Variants in ZNF608 observed in about 807,000 individuals in gnomAD.
The protein encoded by ZNF608 is renal carcinoma antigen NY-REN-36.
In ZNF608, 12 loss-of-function variants were observed where a neutral mutation model predicts 109.0. The ratio of observed to expected loss-of-function variants is 0.11; its 90% CI spans 0.07 to 0.18. ZNF608 has a LOEUF of 0.18. Ranked by LOEUF, ZNF608 falls within the 10% of genes least tolerant of loss-of-function variation. ZNF608 has a pLI of 1.00. For synonymous variants in ZNF608, 732 were observed against 717.4 expected, an observed-to-expected ratio of 1.02 and a Z score of -0.33; for missense variants, 1,707 against 1,879.3, an observed-to-expected ratio of 0.91 and a Z score of 1.70.
chr5:124,653,235 GCCTATTA>G (rs1270627071), intron 3 of ZNF608, among the ~76,000 whole-genome samples: 7 of 152,090 alleles, frequency 4.6e-5, no homozygotes, highest in Non-Finnish European at 8.8e-5. Context: ...GCCCCCAAAG[GCCTATTA>G]CCTACAGAAC....
intron 3 of ZNF608, among the ~76,000 whole-genome samples, chr5:124,674,950 A>G (rs1038452460): frequency 6.6e-6 from 1 of 152,210 alleles, no homozygotes; most frequent in Non-Finnish European, 1.5e-5. Flanking sequence ...ATTGAGAAGA[A>G]TGGGCCTAAT....
intron 3 of ZNF608, among the ~76,000 whole-genome samples, chr5:124,677,783 C>G (rs539661022): frequency 1.3e-5 from 2 of 152,280 alleles, no homozygotes; most frequent in East Asian, 3.9e-4. Context: ...TAGAGCAAAG[C>G]CTTCCAGCAG....
At chr5:124,705,861 A>T (rs148526125) in intron 2 of ZNF608, among the ~76,000 whole-genome samples, 7 of 152,252 alleles carry the variant, frequency 4.6e-5, no homozygotes, top group African/African-American at 1.7e-4. Flanking sequence ...GCTTTTTCTC[A>T]TGCACTGCTG....
At position 124,643,595 on chromosome 5, in the gene ZNF608, G is replaced by T; in HGVS notation, c.4212C>A (p.Ser1404Arg). 6.2e-7 allele frequency: 1 copy of T among 1,614,154 alleles called. No homozygotes were observed. The highest frequency in any genetic ancestry group is 8.5e-7 in the Non-Finnish European group (1 of 1,180,000). ...ATTCAGTGGTTGTTTTCGTGTTGAC[G>T]CTAGGGCTGGTATTGACTTTCTCTG... Reference protein sequence around the residue: ...EETEKVNTSPSVNTKTTTESK... With the variant: ...EETEKVNTSPRVNTKTTTESK... The change falls in exon 7 of 10, where the codon AGC (serine) becomes AGA (arginine). Residue 1404 changes from serine to arginine, a missense_variant. Transcript: ENST00000513986.
At chr5:124,684,037 A>G (rs902104279) in intron 3 of ZNF608, among the ~76,000 whole-genome samples, 3 of 152,262 alleles carry the variant, frequency 2.0e-5, no homozygotes, top group African/African-American at 7.2e-5. Flanking sequence ...CTACTAGTTT[A>G]ATAAATGATG....
chr5:124,731,741 G>A (rs927402796), intron 2 of ZNF608, among the ~76,000 whole-genome samples: 19 of 152,136 alleles, frequency 1.2e-4, no homozygotes, highest in Middle Eastern at 3.4e-3. Flanking sequence ...CAAGAGAATC[G>A]CTTGGACCCG....
At chr5:124,737,519 T>C (rs1749206822) in intron 2 of ZNF608, among the ~76,000 whole-genome samples, 1 of 152,216 alleles carries the variant, frequency 6.6e-6, no homozygotes, top group Admixed American at 6.5e-5. Context: ...AGTTACAATA[T>C]ATACCTTTAA....
chr5:124,746,595 C>A lies in ZNF608; in HGVS notation c.-584G>T. 1.0e-6 allele frequency: 1 copy of A among 985,318 alleles called. No individual in the cohort carries two copies. The highest frequency in any genetic ancestry group is 1.2e-6 in the Non-Finnish European group (1 of 829,920). The allele number at this position is 985,318 out of a possible 1,614,324, so 61.0% of individuals were successfully genotyped here. Reference sequence around the variant, plus strand: ...TTCCAGACTTCAGAGTCACCGTGATCAGTAATGATCCCATGTAGCAAACCT... The same window carrying A: ...TTCCAGACTTCAGAGTCACCGTGATAAGTAATGATCCCATGTAGCAAACCT... On this transcript the variant is annotated 5_prime_UTR_variant, in exon 1 of 10. Coordinates refer to ENST00000513986, the MANE Select transcript of ZNF608 (RefSeq NM_020747.3).
At chr5:124,747,117 G>C (rs1749667077), upstream of ZNF608, among the ~76,000 whole-genome samples, 1 of 151,734 alleles carries the variant, frequency 6.6e-6, no homozygotes, top group Non-Finnish European at 1.5e-5. Flanking sequence ...GCTCAGGTCA[G>C]CCAGTCATGT....
At chr5:124,701,551 C>T (rs529315614) in intron 2 of ZNF608, among the ~76,000 whole-genome samples, 141 of 152,286 alleles carry the variant, frequency 9.3e-4, no homozygotes, top group African/African-American at 3.3e-3. Context: ...CAACCGTTAG[C>T]CTCAGCAGAC....
At chr5:124,659,128 T>C (rs113577239) in intron 3 of ZNF608, among the ~76,000 whole-genome samples, 1 of 148,704 alleles carries the variant, frequency 6.7e-6, no homozygotes, top group African/African-American at 2.5e-5. Context: ...TCCCAGTCCT[T>C]TCCTGCACTT....
chr5:124,740,348 CCAA>C (rs1749334040), intron 2 of ZNF608, among the ~76,000 whole-genome samples: 1 of 152,120 alleles, frequency 6.6e-6, no homozygotes, highest in Non-Finnish European at 1.5e-5. Context: ...CCCTTAGTTA[CCAA>C]CGTCTTTAAC....
intron 3 of ZNF608, among the ~76,000 whole-genome samples, chr5:124,692,701 A>G (rs941925552): frequency 1.3e-5 from 2 of 152,164 alleles, no homozygotes; most frequent in African/African-American, 4.8e-5. Flanking sequence ...TGAAAGTCCA[A>G]CCACAGTGTG....
chr5:124,724,103 G>T (rs914037513), intron 2 of ZNF608, among the ~76,000 whole-genome samples: 2 of 152,108 alleles, frequency 1.3e-5, no homozygotes. Context: ...CAATCAAGTT[G>T]GGGGGCAATT....
intron 2 of ZNF608, among the ~76,000 whole-genome samples, chr5:124,734,031 T>C (rs1749031407): frequency 6.6e-6 from 1 of 152,142 alleles, no homozygotes; most frequent in East Asian, 1.9e-4. Flanking sequence ...TAAAAAAAAC[T>C]CATGCATCCA....
At chr5:124,733,786 T>A (rs1749019688) in intron 2 of ZNF608, among the ~76,000 whole-genome samples, 1 of 152,180 alleles carries the variant, frequency 6.6e-6, no homozygotes, top group Non-Finnish European at 1.5e-5. Flanking sequence ...AAGGAAGCAA[T>A]ACAAAGAGCA....
At chr5:124,719,744 G>C (rs191887409) in intron 2 of ZNF608, among the ~76,000 whole-genome samples, 7 of 152,144 alleles carry the variant, frequency 4.6e-5, no homozygotes, top group African/African-American at 1.7e-4. Flanking sequence ...AGAAGCAAAG[G>C]TTTCTGCGTT....
chr5:124,689,184 G>T (rs572248176), intron 3 of ZNF608, among the ~76,000 whole-genome samples: 9 of 152,322 alleles, frequency 5.9e-5, no homozygotes, highest in African/African-American at 1.9e-4. Flanking sequence ...GATCACTTGA[G>T]CCCAAGAGTT....
chr5:124,684,455 G>T (rs536425618), intron 3 of ZNF608, among the ~76,000 whole-genome samples: 3 of 152,248 alleles, frequency 2.0e-5, no homozygotes, highest in African/African-American at 4.8e-5. Context: ...TTCTTCCAGG[G>T]TTCTTCTTTT....
Sources: gnomAD v4.1 joint callset for allele counts (sites outside exome capture counted in the v4.1 genomes callset) on GRCh38, gnomAD v4.1.1 for gene constraint, MANE v1.5 for transcripts, NCBI Gene and HGNC (gene_info 2026-07-23, HGNC 2026-07-21) for gene names.